Variants in NXPE2 observed in about 807,000 individuals in gnomAD.
NXPE2 encodes neurexophilin and PC-esterase domain family member 2.
In NXPE2, 34 loss-of-function variants were observed where a neutral mutation model predicts 34.4. That is an observed-to-expected ratio of 0.99 (90% confidence interval 0.75 to 1.31). NXPE2 has a LOEUF of 1.31. Among genes scored for constraint, NXPE2 ranks in the 40% most tolerant of loss-of-function variants. NXPE2 has a pLI of 0.00. For synonymous variants in NXPE2, 235 were observed against 231.3 expected, an observed-to-expected ratio of 1.02 and a Z score of -0.15; for missense variants, 649 against 672.5, an observed-to-expected ratio of 0.97 and a Z score of 0.39.
the NXPE2 span, among the ~76,000 whole-genome samples, chr11:114,601,830 A>G: frequency 3.0e-4 from 22 of 73,110 alleles, no homozygotes; most frequent in South Asian, 6.0e-3. Flanking sequence ...TATAATATAT[A>G]ATTATATATA....
chr11:114,695,127 T>C (rs1951224948), intron 2 of NXPE2, among the ~76,000 whole-genome samples: 1 of 152,222 alleles, frequency 6.6e-6, no homozygotes, highest in South Asian at 2.1e-4. Context: ...AGATATTGTG[T>C]CAGAGGCTAC....
chr11:114,520,954 A>G, the NXPE2 span, among the ~76,000 whole-genome samples: 2 of 152,244 alleles, frequency 1.3e-5, no homozygotes, highest in Non-Finnish European at 2.9e-5. Context: ...CAGTGGATTC[A>G]GAAGTGACAG....
chr11:114,651,072 TATA>T, the NXPE2 span, among the ~76,000 whole-genome samples: 6 of 150,532 alleles, frequency 4.0e-5, no homozygotes, highest in African/African-American at 9.7e-5. Context: ...TAGCATAATG[TATA>T]ATAATATATA....
upstream of NXPE2, among the ~76,000 whole-genome samples, chr11:114,676,047 A>G (rs923776063): frequency 1.3e-5 from 2 of 151,978 alleles, no homozygotes; most frequent in Non-Finnish European, 2.9e-5. Flanking sequence ...GCATATCCAC[A>G]TGTGGAAGAA....
At chr11:114,665,269 G>A in the NXPE2 span, among the ~76,000 whole-genome samples, 6 of 152,202 alleles carry the variant, frequency 3.9e-5, no homozygotes, top group African/African-American at 1.4e-4. Context: ...CCAGCTTTAA[G>A]TCATTTGAAA....
the NXPE2 span, among the ~76,000 whole-genome samples, chr11:114,639,948 AAT>A: frequency 3.7e-5 from 4 of 108,220 alleles, no homozygotes; most frequent in East Asian, 2.8e-4. Flanking sequence ...AATATAACAT[AAT>A]AGTTTGTATT....
At chr11:114,569,015 A>G in the NXPE2 span, among the ~76,000 whole-genome samples, 1 of 152,194 alleles carries the variant, frequency 6.6e-6, no homozygotes, top group Non-Finnish European at 1.5e-5. Context: ...TATGTGGGGC[A>G]TTGGACTATG....
chr11:114,582,831 CTGG>C, the NXPE2 span: 2 of 1,614,116 alleles, frequency 1.2e-6, no homozygotes, highest in South Asian at 2.2e-5. Context: ...ATGTGTGGCG[CTGG>C]TGGTGGTGTT....
the NXPE2 span, among the ~76,000 whole-genome samples, chr11:114,542,762 G>T: frequency 6.6e-6 from 1 of 151,890 alleles, no homozygotes; most frequent in East Asian, 1.9e-4. Context: ...GTAAAGAAGG[G>T]TTATATAATG....
At chr11:114,584,365 GT>G in the NXPE2 span, 1 of 403,376 alleles carries the variant, frequency 2.5e-6, no homozygotes, top group Non-Finnish European at 5.0e-6. Flanking sequence ...TGAGAACCTA[GT>G]AATGCAGGCC....
At chr11:114,644,233 C>T in the NXPE2 span, among the ~76,000 whole-genome samples, 4 of 152,070 alleles carry the variant, frequency 2.6e-5, no homozygotes, top group South Asian at 2.1e-4. Flanking sequence ...TCTTCCTGTT[C>T]GAATACCTTT....
the NXPE2 span, among the ~76,000 whole-genome samples, chr11:114,644,647 T>C: frequency 1.3e-5 from 2 of 152,128 alleles, no homozygotes; most frequent in African/African-American, 4.8e-5. Context: ...AATGGAATAT[T>C]ATGTCATGTT....
chr11:114,601,884 T>TATATATTATATTTATACATATTATATAA, the NXPE2 span, among the ~76,000 whole-genome samples: 1 of 15,796 alleles, frequency 6.3e-5, no homozygotes, highest in Non-Finnish European at 8.5e-5. Flanking sequence ...TTATATATAA[T>TATATATTATATTTATACATATTATATAA]TATATATTAT....
At chr11:114,803,690 C>T in the NXPE2 span, among the ~76,000 whole-genome samples, 1 of 151,956 alleles carries the variant, frequency 6.6e-6, no homozygotes, top group Non-Finnish European at 1.5e-5. Context: ...AATTCTCCTG[C>T]CTCAGCCTCC....
the NXPE2 span, among the ~76,000 whole-genome samples, chr11:114,806,926 A>C: frequency 6.6e-6 from 1 of 152,190 alleles, no homozygotes; most frequent in Non-Finnish European, 1.5e-5. Flanking sequence ...AAAAAATGTT[A>C]AGGGCAGCCA....
the NXPE2 span, among the ~76,000 whole-genome samples, chr11:114,631,667 GTA>G: frequency 6.6e-6 from 1 of 151,810 alleles, no homozygotes; most frequent in East Asian, 1.9e-4. Flanking sequence ...AAAACTTAAA[GTA>G]TATATATAAA....
At chr11:114,579,807 T>A in the NXPE2 span, among the ~76,000 whole-genome samples, 95,954 of 152,054 alleles carry the variant, frequency 0.63, 31,681 homozygotes, top group African/African-American at 0.85. Flanking sequence ...CTTAATCATT[T>A]TGCTGGTTCT....
At chr11:114,692,725 G>A (rs768920106) in intron 2 of NXPE2, among the ~76,000 whole-genome samples, 8 of 152,290 alleles carry the variant, frequency 5.3e-5, no homozygotes, top group Middle Eastern at 3.4e-3. Context: ...GATGTTTCCT[G>A]TTTCTTCTCT....
chr11:114,791,221 T>C, the NXPE2 span, among the ~76,000 whole-genome samples: 11 of 152,084 alleles, frequency 7.2e-5, no homozygotes, highest in Non-Finnish European at 1.5e-4. Flanking sequence ...GAATTGAACC[T>C]TGGGCTATTA....
Sources: gnomAD v4.1 joint callset for allele counts (sites outside exome capture counted in the v4.1 genomes callset) on GRCh38, gnomAD v4.1.1 for gene constraint, MANE v1.5 for transcripts, NCBI Gene and HGNC (gene_info 2026-07-23, HGNC 2026-07-21) for gene names.